The following ZNF121 variants were observed in gnomAD, a reference collection of about 807,000 sequenced individuals.
The protein encoded by ZNF121 is zinc finger protein 121, also known as zinc finger protein 121 (clone ZHC32).
ZNF121 carries 1 observed loss-of-function variant against 2.4 expected under a neutral mutation model. The observed-to-expected ratio is 0.41, with a 90% CI of 0.15 to 1.94. The LOEUF is 1.94. ZNF121 is among the 30% of genes most tolerant of loss of function. The pLI, the probability that ZNF121 is intolerant of heterozygous loss-of-function variation, is 0.30. For synonymous variants in ZNF121, 173 were observed against 158.6 expected, an observed-to-expected ratio of 1.09 and a Z score of -0.68; for missense variants, 369 against 466.3, an observed-to-expected ratio of 0.79 and a Z score of 1.92.
chr19:9,578,969 C>A (rs1599742518), intron 1 of ZNF121, among the ~76,000 whole-genome samples: 2 of 129,374 alleles, frequency 1.5e-5, no homozygotes, highest in Non-Finnish European at 1.6e-5. Context: ...ATAAGGAACT[C>A]AACTTGATAG....
rs1372344078 is a variant in ZNF121, at chr19:9,563,460, T to G, written c.*2480A>C. Reference sequence around the variant, plus strand: ...CTGCAGCAAGCATTTCCAGAATATCTAGATAAATGGCAGAGGTAGCTCTAC... The same window carrying G: ...CTGCAGCAAGCATTTCCAGAATATCGAGATAAATGGCAGAGGTAGCTCTAC... On this transcript the variant is annotated 3_prime_UTR_variant, in exon 4 of 4. Transcript: ENST00000320451. 4 of 152,212 alleles carry G rather than the reference T, an allele frequency of 2.6e-5. No individual in the cohort carries two copies. The highest frequency in any genetic ancestry group is 2.6e-4 in the Admixed American group (4 of 15,284). The allele number at this position is 152,212 out of a possible 1,614,324, so 9.4% of individuals were successfully genotyped here.
chr19:9,566,765 A>G lies in ZNF121; in HGVS notation c.348T>C (p.Tyr116=). The change falls in exon 4 of 4, where the codon TAT becomes TAC. Residue 116 remains tyrosine (Y), a synonymous_variant. Coordinates refer to ENST00000320451, the MANE Select transcript of ZNF121 (RefSeq NM_001008727.5). ...AAGCTCTCCCACATTGCTTCTGTTCATAGAGTGTTTCTCCATTGTGAGTTA... is the reference window on the plus strand; with the variant it reads ...AAGCTCTCCCACATTGCTTCTGTTCGTAGAGTGTTTCTCCATTGTGAGTTA... ...NRITHNGETL[Y]EQKQCGRAFT... 6.2e-7 allele frequency: 1 copy of G among 1,614,214 alleles called. No homozygotes were observed. The highest frequency in any genetic ancestry group is 1.3e-5 in the African/African-American group (1 of 75,072).
rs1314165229 is a variant in ZNF121, at chr19:9,560,372, T to C, written c.*5568A>G. The C allele has an allele frequency of 6.6e-6, 1 of 152,216 alleles. No homozygotes were observed. Among genetic ancestry groups the C allele is most frequent in the Non-Finnish European group, 1.5e-5 (1 of 68,038 alleles). 9.4% of individuals were successfully genotyped at this position (152,216 alleles called of 1,614,324 possible). On this transcript the variant is annotated 3_prime_UTR_variant, in exon 4 of 4. Coordinates refer to ENST00000320451, the MANE Select transcript of ZNF121 (RefSeq NM_001008727.5). ...TATTGTGATAAAAACACATAAAATT[T>C]ACCCTTTCACATACTTTGTGTGTAC... is the stretch of plus-strand genomic sequence containing the variant.
intron 3 of ZNF121, chr19:9,567,873 A>G (rs2074144900): frequency 6.6e-6 from 3 of 452,696 alleles, no homozygotes; most frequent in African/African-American, 3.9e-5. Flanking sequence ...GGGAATGGCT[A>G]TACACACAGA....
At chr19:9,583,661 G>C (rs1339466085) in intron 1 of ZNF121, among the ~76,000 whole-genome samples, 2 of 151,918 alleles carry the variant, frequency 1.3e-5, no homozygotes, top group Admixed American at 6.6e-5. Context: ...CCGCCATCGC[G>C]CCTGGCTAAT....
chr19:9,583,538 C>G (rs1191541546), intron 1 of ZNF121, among the ~76,000 whole-genome samples: 1 of 123,338 alleles, frequency 8.1e-6, no homozygotes, highest in African/African-American at 3.2e-5. Flanking sequence ...GAGTCTCCCT[C>G]TTTTGCCCAG....
At chr19:9,567,235 G>T in intron 3 of ZNF121, 126 bp from the exon 4 acceptor site, 1 of 761,226 alleles carries the variant, frequency 1.3e-6, no homozygotes, top group Non-Finnish European at 2.0e-6. Flanking sequence ...GCATACAGTT[G>T]CTGCCCCATG....
intron 1 of ZNF121, among the ~76,000 whole-genome samples, chr19:9,575,391 C>A (rs1310962905): frequency 6.6e-6 from 1 of 151,962 alleles, no homozygotes; most frequent in Non-Finnish European, 1.5e-5. Flanking sequence ...CCACTGTACT[C>A]CAGCCTGGGC....
At chr19:9,571,184 A>G (rs1488333682) in intron 1 of ZNF121, among the ~76,000 whole-genome samples, 1 of 152,212 alleles carries the variant, frequency 6.6e-6, no homozygotes, top group African/African-American at 2.4e-5. Flanking sequence ...TAGCATGGAA[A>G]ATACCATAGA....
chr19:9,575,100 C>T (rs1290339932), intron 1 of ZNF121, among the ~76,000 whole-genome samples: 1 of 152,080 alleles, frequency 6.6e-6, no homozygotes, highest in Non-Finnish European at 1.5e-5. Context: ...TTTCAAAGTG[C>T]TGGAAGAAAA....
chr19:9,583,278 G>GT (rs1346212403), intron 1 of ZNF121, among the ~76,000 whole-genome samples: 2 of 151,278 alleles, frequency 1.3e-5, no homozygotes, highest in African/African-American at 4.9e-5. Context: ...GCTCTGTGGG[G>GT]GGGTACAGAC....
chr19:9,566,532 T>C lies in ZNF121; in HGVS notation c.581A>G (p.His194Arg). ...ACATTGATAAGGTTTCTCTCCAGTA[T>C]GAATTCTTACATGTTCAACTAGGTG... ...SSHLVEHVRIHTGEKPYQCKE... is the reference protein window; with the variant it reads ...SSHLVEHVRIRTGEKPYQCKE... Residue 194 changes from histidine (H) to arginine (R), a missense_variant, in exon 4 of 4, where the codon CAT (histidine) becomes CGT (arginine). Physicochemically the swap from His to Arg is conservative, Grantham distance 29. Coordinates refer to ENST00000320451, the MANE Select transcript of ZNF121 (RefSeq NM_001008727.5). 1.9e-6 allele frequency: 3 copies of C among 1,614,238 alleles called. No homozygotes were observed. The highest frequency in any genetic ancestry group is 2.5e-6 in the Non-Finnish European group (3 of 1,180,040).
At chr19:9,570,856 C>T (rs1301779981) in intron 1 of ZNF121, among the ~76,000 whole-genome samples, 1 of 152,196 alleles carries the variant, frequency 6.6e-6, no homozygotes, top group Admixed American at 6.5e-5. Context: ...GCTGGGATTA[C>T]AGGCGTGAGC....
rs2144806177 is a variant in ZNF121 at position 9,567,002 on chromosome 19, G to A, written c.111C>T (p.Asp37=). The A allele has an allele frequency of 6.2e-7, 1 of 1,614,116 alleles. No individual in the cohort carries two copies. The highest frequency in any genetic ancestry group is 1.6e-4 in the Middle Eastern group (1 of 6,062). ...CTCCATACTCATCACAGTCATAAGT[G>A]TCCCCTGTATTTTCAGTTCCCATGT... The part of the protein sequence containing the change: ...NAHMGTENTG[D]TYDCDEYGEN... Residue 37 remains aspartate (D), a synonymous_variant, in exon 4 of 4, where the codon GAC becomes GAT. Transcript: ENST00000320451.
chr19:9,566,884 C>T lies in ZNF121; in HGVS notation c.229G>A (p.Val77Ile). 1 of 1,614,186 alleles carries T rather than the reference C, an allele frequency of 6.2e-7. No homozygotes were observed. Among genetic ancestry groups the T allele is most frequent in the Non-Finnish European group, 8.5e-7 (1 of 1,180,036 alleles). Residue 77 changes from valine (V) to isoleucine (I), a missense_variant, in exon 4 of 4, where the codon GTT (valine) becomes ATT (isoleucine). Around this residue, in one of 4 missense-constraint regions of ZNF121, gnomAD observed 168 missense variants for 162.3 expected, o/e 1.03. Transcript: ENST00000320451. Reference sequence around the variant, plus strand: ...TCTCCTATCCACGTTCTCTGGTGAACATTTGGTGGCAGGCTGAAGGCTTTT... The same window carrying T: ...TCTCCTATCCACGTTCTCTGGTGAATATTTGGTGGCAGGCTGAAGGCTTTT... The part of the protein sequence containing the change: ...CRKAFSLPPN[V>I]HQRTWIGDKS...
intron 1 of ZNF121, among the ~76,000 whole-genome samples, chr19:9,572,605 G>A (rs2074181874): frequency 6.6e-6 from 1 of 152,084 alleles, no homozygotes. Flanking sequence ...AGGTCACCTG[G>A]GCATGAACAC....
intron 1 of ZNF121, among the ~76,000 whole-genome samples, chr19:9,582,638 C>A (rs944203079): frequency 6.6e-6 from 1 of 151,770 alleles, no homozygotes; most frequent in East Asian, 1.9e-4. Flanking sequence ...CATGGACGCA[C>A]CTAATGCTAG....
At chr19:9,576,316 A>G (rs2074209794) in intron 1 of ZNF121, among the ~76,000 whole-genome samples, 1 of 149,390 alleles carries the variant, frequency 6.7e-6, no homozygotes, top group South Asian at 2.1e-4. Context: ...CAACACAAGG[A>G]GACCCTGTCC....
rs762391806 is a variant in ZNF121 at position 9,566,878 on chromosome 19, G to T, written c.235C>A (p.Gln79Lys). 6.2e-7 allele frequency: 1 copy of T among 1,614,186 alleles called. No individual in the cohort carries two copies. Among genetic ancestry groups the T allele is most frequent in the East Asian group, 2.2e-5 (1 of 44,882 alleles). Residue 79 changes from glutamine (Q) to lysine (K), a missense_variant, in exon 4 of 4, where the codon CAG (glutamine) becomes AAG (lysine). By Grantham distance (53) the Gln-to-Lys change is moderately conservative. This residue lies in a region of ZNF121 where 168 missense variants were observed against 162.3 expected (regional missense o/e 1.03). Transcript: ENST00000320451. Reference sequence around the variant, plus strand: ...GATTTGTCTCCTATCCACGTTCTCTGGTGAACATTTGGTGGCAGGCTGAAG... The same window carrying T: ...GATTTGTCTCCTATCCACGTTCTCTTGTGAACATTTGGTGGCAGGCTGAAG... ...KAFSLPPNVH[Q>K]RTWIGDKSFE...
Sources: allele counts gnomAD v4.1 joint callset (sites outside exome capture counted in the v4.1 genomes callset), GRCh38; gene constraint gnomAD v4.1.1; regional missense constraint gnomAD v4.1.1; transcripts MANE v1.5; gene names NCBI Gene and HGNC (gene_info 2026-07-23, HGNC 2026-07-21).